The following PPFIA4 variants were observed in gnomAD, a reference collection of about 807,000 sequenced individuals.
PPFIA4 encodes liprin-alpha-4.
A neutral mutation model predicts 145.7 loss-of-function variants in PPFIA4; 98 were observed. The observed-to-expected ratio is 0.67, with a 90% confidence interval of 0.57 to 0.80. The LOEUF is 0.80. Ranked by LOEUF, PPFIA4 falls within the 30% of genes least tolerant of loss-of-function variation. The pLI is 0.00. For synonymous variants in PPFIA4, 628 were observed against 649.6 expected, an observed-to-expected ratio of 0.97 and a Z score of 0.51; for missense variants, 1,457 against 1,632.7, an observed-to-expected ratio of 0.89 and a Z score of 1.85.
intron 1 of PPFIA4, among the ~76,000 whole-genome samples, chr1:203,036,574 T>G (rs1279410418): frequency 2.7e-5 from 4 of 149,450 alleles, no homozygotes; most frequent in Non-Finnish European, 4.4e-5. Flanking sequence ...GATGGGGAGG[T>G]GGGCCTGGAT....
At chr1:203,072,656 G>A (rs898296282) in intron 28 of PPFIA4, among the ~76,000 whole-genome samples, 1 of 152,046 alleles carries the variant, frequency 6.6e-6, no homozygotes, top group Non-Finnish European at 1.5e-5. Context: ...TGTGTTTTTC[G>A]CTGCTCTGTC....
At position 203,048,154 on chromosome 1, in the gene PPFIA4, G is replaced by T; in HGVS notation, c.1141-73G>T. On this transcript the variant is annotated intron_variant, in intron 9 of 29. Transcript: ENST00000295706. This position sits in a 1 kb window ranked among gnomAD's most constrained non-coding sequence, Gnocchi z 5.8. Reference sequence around the variant, plus strand: ...ATCCCCAGGGCCACCCTGGCACCAGGGTGCAGGGGATGCGGGGCCTGAGCA... The same window carrying T: ...ATCCCCAGGGCCACCCTGGCACCAGTGTGCAGGGGATGCGGGGCCTGAGCA... 1 of 1,451,994 alleles carries T rather than the reference G, an allele frequency of 6.9e-7. No individual in the cohort carries two copies. The highest frequency in any genetic ancestry group is 1.2e-5 in the South Asian group (1 of 84,572). The allele number at this position is 1,451,994 out of a possible 1,614,324, so 89.9% of individuals were successfully genotyped here.
In PPFIA4 at chr1:203,045,963, C is replaced by T. The variant is rs929797046; in HGVS notation, c.981C>T (p.Ala327=). 1 of 1,612,660 alleles carries T rather than the reference C, an allele frequency of 6.2e-7. No individual in the cohort carries two copies. The highest frequency in any genetic ancestry group is 8.5e-7 in the Non-Finnish European group (1 of 1,179,838). The change falls in exon 8 of 30, where the codon GCC becomes GCT. Residue 327 remains alanine (A), a synonymous_variant. Coordinates refer to ENST00000295706, the MANE Select transcript of PPFIA4 (RefSeq NM_001304331.2). ...ATGACAAGCTGGAGAATGAGCTGGC[C>T]AACAAGGAGTCCCTGCACCGCCAGG... ...DLNDKLENEL[A]NKESLHRQCE... is the part of the protein sequence containing the mutation.
At position 203,056,454 on chromosome 1, in the gene PPFIA4, C is replaced by T. The variant is rs571685422; in HGVS notation, c.2186C>T (p.Thr729Met). The T allele has an allele frequency of 5.9e-5, 95 of 1,614,012 alleles. 1 individual carries two copies. Among genetic ancestry groups the T allele is most frequent in the African/African-American group, 3.1e-4 (23 of 75,052 alleles). ...CETSPPSSPR[T>M]LRLEKLGHPA... is the part of the protein sequence containing the mutation. ...ACTTCTCCTCCTTCCTCACCCAGGA[C>T]GCTGCGGCTAGAGAAGCTTGGCCAC... The change falls in exon 18 of 30, where the codon ACG becomes ATG. Residue 729 changes from threonine to methionine, a missense_variant. By Grantham distance (81) the Thr-to-Met change is moderately conservative (BLOSUM62 -1). This residue lies in a region of PPFIA4 where 848 missense variants were observed against 1,046.7 expected (regional missense o/e 0.81). Transcript: ENST00000295706.
At chr1:203,040,162 C>A (rs753631468) in intron 2 of PPFIA4, among the ~76,000 whole-genome samples, 15 of 152,364 alleles carry the variant, frequency 9.8e-5, no homozygotes, top group Non-Finnish European at 1.5e-4. Context: ...GCCTGATAAC[C>A]AGACCCAGAG....
chr1:203,051,418 A>G, intron 13 of PPFIA4: 1 of 766,850 alleles, frequency 1.3e-6, no homozygotes, highest in Non-Finnish European at 1.6e-6. Context: ...CGTGTGTCAG[A>G]TGGCCGGAGA....
At position 203,056,150 on chromosome 1, in the gene PPFIA4, C is replaced by G. The variant is rs774439444; in HGVS notation, c.2101C>G (p.Leu701Val). ...TGACTTAAGAAAGCATAGGAGGAAG[C>G]TGCTGGTGAGTGCTGCCTGATGGCC... ...PSDLRKHRRK[L>V]LSPVSREENR... Residue 701 changes from leucine (L) to valine (V), a missense_variant, in exon 17 of 30, where the codon CTG (leucine) becomes GTG (valine). Leu to Val is a conservative substitution (Grantham distance 32, BLOSUM62 1). Transcript: ENST00000295706. The G allele has an allele frequency of 6.2e-6, 10 of 1,613,856 alleles. No homozygotes were observed. In the Admixed American group the frequency reaches 6.7e-5, roughly 11 times the overall value.
Position 203,075,301 on chromosome 1 carries a change from A to G in PPFIA4, c.3394-276A>G, listed in dbSNP as rs948258776. On this transcript the variant is annotated intron_variant, in intron 28 of 29. Transcript: ENST00000295706. The surrounding 1 kb of genome is among the most constrained non-coding windows in gnomAD (Gnocchi z 4.1). The stretch of plus-strand genomic sequence containing the variant: ...TTGCGGTGGGCTGGGAAACAGTTCA[A>G]CTGCAGGATGGCAGACCCAACAAGA... 1.3e-5 allele frequency among the ~76,000 whole-genome samples: 2 copies of G among 152,106 alleles called. No homozygotes were observed. The highest frequency in any genetic ancestry group is 2.9e-5 in the Non-Finnish European group (2 of 67,986).
intron 2 of PPFIA4, among the ~76,000 whole-genome samples, chr1:203,041,361 G>T (rs1659683335): frequency 6.6e-6 from 1 of 152,228 alleles, no homozygotes. Context: ...GGAGGCTGAG[G>T]TGGATGGACT....
At chr1:203,027,155 C>G (rs1161422543) in intron 1 of PPFIA4, among the ~76,000 whole-genome samples, 1 of 152,098 alleles carries the variant, frequency 6.6e-6, no homozygotes. Flanking sequence ...CCAGAGATGC[C>G]CCCATCTCCG....
chr1:203,043,416 G>A lies in PPFIA4; in HGVS notation c.254G>A (p.Arg85Gln), dbSNP rs775332097. The change falls in exon 3 of 30, where the codon CGG (arginine) becomes CAG (glutamine). Residue 85 changes from arginine (R) to glutamine (Q), a missense_variant. Arg to Gln is a conservative substitution (Grantham distance 43). Coordinates refer to ENST00000295706, the MANE Select transcript of PPFIA4 (RefSeq NM_001304331.2). This position sits in a 1 kb window ranked among gnomAD's most constrained non-coding sequence, Gnocchi z 4.4. The part of the protein sequence containing the change: ...ALPQEFATLT[R>Q]ELSMCREQLL... ...TTTCAGGAATTTGCCACCTTAACCC[G>A]GGAGCTGAGCATGTGTCGGGAGCAG... 1.2e-5 allele frequency: 19 copies of A among 1,610,884 alleles called. No homozygotes were observed. The highest frequency in any genetic ancestry group is 8.0e-5 in the African/African-American group (6 of 74,890).
intron 19 of PPFIA4, among the ~76,000 whole-genome samples, chr1:203,057,439 C>T (rs753809443): frequency 2.6e-5 from 4 of 152,172 alleles, no homozygotes; most frequent in African/African-American, 4.8e-5. Context: ...CTTAGGCAAG[C>T]GTGGCATCGT....
chr1:203,075,820 C>T lies in PPFIA4; in HGVS notation c.3574+63C>T. ...CCGAGCGCGGGCTTCTTCCTGGCACCCCAGGGCCGGGCCGGGTGGAGAGGG... is the reference window on the plus strand; with the variant it reads ...CCGAGCGCGGGCTTCTTCCTGGCACTCCAGGGCCGGGCCGGGTGGAGAGGG... On this transcript the variant is annotated intron_variant, in intron 29 of 29. Transcript: ENST00000295706. This position sits in a 1 kb window ranked among gnomAD's most constrained non-coding sequence, Gnocchi z 4.1. 7 of 1,334,064 alleles carry T rather than the reference C, an allele frequency of 5.2e-6. No individual in the cohort carries two copies. The highest frequency in any genetic ancestry group is 6.8e-6 in the Non-Finnish European group (7 of 1,034,970). The allele number at this position is 1,334,064 out of a possible 1,614,324, so 82.6% of individuals were successfully genotyped here.
intron 13 of PPFIA4, among the ~76,000 whole-genome samples, chr1:203,050,247 G>A (rs1660406966): frequency 6.6e-6 from 1 of 152,228 alleles, no homozygotes; most frequent in Admixed American, 6.5e-5. Flanking sequence ...AGACGCCATG[G>A]CAATCCTATG....
intron 28 of PPFIA4, 149 bp downstream of exon 28, chr1:203,071,909 T>C (rs1358478507): frequency 1.4e-6 from 1 of 728,308 alleles, no homozygotes; most frequent in Non-Finnish European, 2.4e-6. Context: ...GTCAGGGGGT[T>C]GAGGAGGTGG....
At chr1:203,069,004 C>T (rs1455168790) in intron 27 of PPFIA4, among the ~76,000 whole-genome samples, 2 of 152,122 alleles carry the variant, frequency 1.3e-5, no homozygotes, top group East Asian at 3.9e-4. Flanking sequence ...GGAATGAGCC[C>T]CAGGGCCCCT....
chr1:203,051,965 G>A, intron 14 of PPFIA4, 88 bp downstream of exon 14: 1 of 1,418,134 alleles, frequency 7.1e-7, no homozygotes. Flanking sequence ...TGGTGTGTGG[G>A]GCAAATCCTT....
chr1:203,067,118 G>A (rs1661775776), intron 25 of PPFIA4, among the ~76,000 whole-genome samples: 3 of 152,210 alleles, frequency 2.0e-5, no homozygotes, highest in Non-Finnish European at 2.9e-5. Context: ...GCCAACTGGG[G>A]GAGGAGTGTT....
chr1:203,057,979 C>T (rs573273119), intron 19 of PPFIA4, among the ~76,000 whole-genome samples: 45 of 151,858 alleles, frequency 3.0e-4, no homozygotes, highest in African/African-American at 8.9e-4. Context: ...GGAGGGTGGG[C>T]GGAGTGGGGA....
Sources: allele counts gnomAD v4.1 joint callset (sites outside exome capture counted in the v4.1 genomes callset), GRCh38; gene constraint gnomAD v4.1.1; regional missense constraint gnomAD v4.1.1; non-coding constraint Gnocchi (gnomAD v3.1); transcripts MANE v1.5; gene names NCBI Gene and HGNC (gene_info 2026-07-23, HGNC 2026-07-21).